Variants in RPTN observed in about 807,000 individuals in gnomAD.
The protein encoded by RPTN is intermediate filament-associated protein.
Under a neutral mutation model 3.6 loss-of-function variants are expected in RPTN, and 4 were observed. That is an observed-to-expected ratio of 1.12 (90% confidence interval 0.55 to 2.55). RPTN has a LOEUF of 2.55. Among genes scored for constraint, RPTN ranks in the 30% most tolerant of loss-of-function variants. The pLI is 0.02. For missense variants in RPTN, 860 were observed against 916.7 expected, an observed-to-expected ratio of 0.94 and a Z score of 0.80; for synonymous variants, 293 against 319.3, an observed-to-expected ratio of 0.92 and a Z score of 0.88.
rs1292825206 is a variant in RPTN, at chr1:152,155,263, T to C, written c.1836A>G (p.Gln612=). The C allele has an allele frequency of 1.9e-6, 3 of 1,614,126 alleles. No homozygotes were observed. Among genetic ancestry groups the C allele is most frequent in the African/African-American group, 1.3e-5 (1 of 74,938 alleles). ...EGTRKASYVE[Q]SGRSGRLSQQ... ...GACTTAGCCTCCCTGATCTTCCTGA[T>C]TGTTCAACATAAGAGGCTTTTCTTG... Residue 612 remains glutamine, a synonymous_variant, in exon 3 of 3, where the codon CAA becomes CAG. Transcript: ENST00000316073.
rs1474585597 is a variant in RPTN at position 152,154,959 on chromosome 1, A to C, written c.2140T>G (p.Trp714Gly). 1 of 1,613,864 alleles carries C rather than the reference A, an allele frequency of 6.2e-7. No individual in the cohort carries two copies. Among genetic ancestry groups the C allele is most frequent in the Admixed American group, 1.7e-5 (1 of 60,000 alleles). The change falls in exon 3 of 3, where the codon TGG becomes GGG. Residue 714 changes from tryptophan (W) to glycine (G), a missense_variant. Trp to Gly is a radical substitution (Grantham distance 184). Coordinates refer to ENST00000316073, the MANE Select transcript of RPTN (RefSeq NM_001122965.1). Reference protein sequence around the residue: ...WAEEEQGHQTWDRHSHESQEG... With the variant: ...WAEEEQGHQTGDRHSHESQEG... ...TGACTCTCATGGCTGTGTCTATCCC[A>C]AGTTTGATGGCCCTGCTCTTCCTCT...
Position 152,153,960 on chromosome 1 carries a change from GT to G in RPTN, c.*783del, listed in dbSNP as rs1659140277. ...GACTATGAGGCTTGAAATTCCTGAT[GT>G]TTTATCCACAGGAGCCAAAGCTCAC... On this transcript the variant is annotated 3_prime_UTR_variant, in exon 3 of 3. Transcript: ENST00000316073. 2 of 152,368 alleles carry G rather than the reference GT, an allele frequency of 1.3e-5. No homozygotes were observed. Among genetic ancestry groups the G allele is most frequent in the African/African-American group, 4.8e-5 (2 of 41,424 alleles). The allele number at this position is 152,368 out of a possible 1,614,324, so 9.4% of individuals were successfully genotyped here.
Position 152,156,534 on chromosome 1 carries a change from C to T in RPTN, c.565G>A (p.Asp189Asn), listed in dbSNP as rs762510704. ...GACTGATCAAAGCTGAAATCCTTGT[C>T]TTGTCTCTCAGACTGATTGTGGTGA... ...DSHHNQSERQ[D>N]KDFSFDQSER... The change falls in exon 3 of 3, where the codon GAC becomes AAC. Residue 189 changes from aspartate to asparagine, a missense_variant. By Grantham distance (23) the Asp-to-Asn change is conservative (BLOSUM62 1). Transcript: ENST00000316073. 12 of 1,614,072 alleles carry T rather than the reference C, an allele frequency of 7.4e-6. No individual in the cohort carries two copies. Among genetic ancestry groups the T allele is most frequent in the Non-Finnish European group, 1.0e-5 (12 of 1,180,042 alleles).
rs1444405708 is a variant in RPTN, at chr1:152,156,922, G to T, written c.177C>A (p.Asn59Lys). The T allele has an allele frequency of 6.2e-7, 1 of 1,614,066 alleles. No homozygotes were observed. The highest frequency in any genetic ancestry group is 8.5e-7 in the Non-Finnish European group (1 of 1,179,986). ...GTCCATCTCGGTCTTGATCTAAGAG[G>T]TTCAAGATGGTTTCCACAGTCTCTG... The part of the protein sequence containing the change: ...NDPETVETIL[N>K]LLDQDRDGHI... Residue 59 changes from asparagine to lysine, a missense_variant, in exon 3 of 3, where the codon AAC (asparagine) becomes AAA (lysine). Asn to Lys is a moderately conservative substitution (Grantham distance 94). Transcript: ENST00000316073.
In RPTN at chr1:152,155,645, G is replaced by A. The variant is rs72696940; in HGVS notation, c.1454C>T (p.Ser485Phe). 0.13 allele frequency: 205,687 copies of A among 1,609,570 alleles called. 14,987 individuals carry two copies. The highest frequency in any genetic ancestry group is 0.15 in the Non-Finnish European group (171,949 of 1,178,236). ...TTGTCTGTCTATCTTACCATAGTGG[G>A]AACTCTGGCCTTGTTTGTCTGGCTG... ...YSQPDKQGQS[S>F]HYGKIDRQDQ... is the part of the protein sequence containing the mutation. Residue 485 changes from serine (S) to phenylalanine (F), a missense_variant, in exon 3 of 3, where the codon TCC (serine) becomes TTC (phenylalanine). Coordinates refer to ENST00000316073, the MANE Select transcript of RPTN (RefSeq NM_001122965.1).
rs1456777616 is a variant in RPTN at position 152,156,687 on chromosome 1, C to T, written c.412G>A (p.Glu138Lys). ...ERQNSHHSQPERQDGDSHHGQ... is the reference protein window; with the variant it reads ...ERQNSHHSQPKRQDGDSHHGQ... ...TGGTGGGAATCTCCGTCTTGTCTCT[C>T]AGGCTGACTGTGGTGGGAGTTCTGC... is the stretch of plus-strand genomic sequence containing the variant. The change falls in exon 3 of 3, where the codon GAG becomes AAG. Residue 138 changes from glutamate (E) to lysine (K), a missense_variant. Transcript: ENST00000316073. 1.2e-6 allele frequency: 2 copies of T among 1,613,828 alleles called. No homozygotes were observed. The highest frequency in any genetic ancestry group is 8.5e-7 in the Non-Finnish European group (1 of 1,179,880).
rs528660126 is a variant in RPTN, at chr1:152,159,161, A to G, written c.-21+23T>C. 1.3e-4 allele frequency: 20 copies of G among 152,878 alleles called. No homozygotes were observed. The East Asian group carries it at 3.5e-3, about 27-fold the overall frequency. The allele number at this position is 152,878 out of a possible 1,614,324, so 9.5% of individuals were successfully genotyped here. A position where few individuals can be genotyped will look rare whatever the true frequency, so the allele number is the denominator to read the frequency against. ...CTTGAGAGCCTTGTAGATACTACCAATGCTCCCCTATGCATGTCTTACCTG... is the reference window on the plus strand; with the variant it reads ...CTTGAGAGCCTTGTAGATACTACCAGTGCTCCCCTATGCATGTCTTACCTG... On this transcript the variant is annotated intron_variant, in intron 1 of 2. Transcript: ENST00000316073.
chr1:152,154,492 G>T lies in RPTN; in HGVS notation c.*252C>A. 1 of 586,050 alleles carries T rather than the reference G, an allele frequency of 1.7e-6. No homozygotes were observed. 36.3% of individuals were successfully genotyped at this position (586,050 alleles called of 1,614,324 possible). ...TGGGAACAGTAGCTCCCTTGGCAGG[G>T]TGACCACGCTGTTCTCTGGTTTGGG... On this transcript the variant is annotated 3_prime_UTR_variant, in exon 3 of 3. Coordinates refer to ENST00000316073, the MANE Select transcript of RPTN (RefSeq NM_001122965.1).
At chr1:152,158,889 C>T (rs1274141763) in intron 1 of RPTN, among the ~76,000 whole-genome samples, 2 of 152,168 alleles carry the variant, frequency 1.3e-5, no homozygotes, top group Non-Finnish European at 2.9e-5. Flanking sequence ...TCTTTCCTAA[C>T]TTGCACAAAA....
rs554078916 is a variant in RPTN, at chr1:152,154,797, G to T, written c.2302C>A (p.Arg768Ser). 2 of 1,613,670 alleles carry T rather than the reference G, an allele frequency of 1.2e-6. No individual in the cohort carries two copies. The highest frequency in any genetic ancestry group is 1.7e-6 in the Non-Finnish European group (2 of 1,179,930). ...DRQTHEDKQN[R>S]QRRDRQTHED... ...TGGGTTTGCCTGTCTCGTCTCTGAC[G>T]GTTCTGCTTGTCTTCATGGGTTTGC... The change falls in exon 3 of 3, where the codon CGT (arginine) becomes AGT (serine). Residue 768 changes from arginine (R) to serine (S), a missense_variant. Transcript: ENST00000316073.
At position 152,154,278 on chromosome 1, in the gene RPTN, C is replaced by G. The variant is rs1659146015; in HGVS notation, c.*466G>C. ...AAGCCCTTACGTGAATGCTAGTACT[C>G]AAAAACATCCTTGCAGGGAGATACA... On this transcript the variant is annotated 3_prime_UTR_variant, in exon 3 of 3. Coordinates refer to ENST00000316073, the MANE Select transcript of RPTN (RefSeq NM_001122965.1). The G allele has an allele frequency of 6.1e-6, 1 of 165,066 alleles. No homozygotes were observed. Among genetic ancestry groups the G allele is most frequent in the Admixed American group, 5.7e-5 (1 of 17,488 alleles). The allele number at this position is 165,066 out of a possible 1,614,324, so 10.2% of individuals were successfully genotyped here. A position where few individuals can be genotyped will look rare whatever the true frequency, so the allele number is the denominator to read the frequency against.
rs1167555229 is a variant in RPTN, at chr1:152,155,840, C to T, written c.1259G>A (p.Arg420Gln). 1.3e-5 allele frequency: 21 copies of T among 1,609,194 alleles called. No individual in the cohort carries two copies. The highest frequency in any genetic ancestry group is 4.0e-5 in the African/African-American group (3 of 74,416). Reference sequence around the variant, plus strand: ...ACCGTAGTGAGAACCCTGGCCTTGTCGGTCCATCTGACTGTAGTGGGAACT... The same window carrying T: ...ACCGTAGTGAGAACCCTGGCCTTGTTGGTCCATCTGACTGTAGTGGGAACT... ...GQSSHYSQMD[R>Q]QGQGSHYGQT... The change falls in exon 3 of 3, where the codon CGA becomes CAA. Residue 420 changes from arginine (R) to glutamine (Q), a missense_variant. Physicochemically the swap from Arg to Gln is conservative, Grantham distance 43 (BLOSUM62 1). Transcript: ENST00000316073.
intron 2 of RPTN, 47 bp downstream of exon 2, chr1:152,157,705 A>C (rs1284549294): frequency 1.2e-6 from 2 of 1,603,338 alleles, no homozygotes; most frequent in African/African-American, 2.7e-5. Flanking sequence ...CAGGTGTCAG[A>C]GTCATTCACA....
chr1:152,156,186 A>G lies in RPTN; in HGVS notation c.913T>C (p.Tyr305His), dbSNP rs771595902. The G allele has an allele frequency of 1.9e-6, 3 of 1,613,898 alleles. No individual in the cohort carries two copies. Among genetic ancestry groups the G allele is most frequent in the Non-Finnish European group, 2.5e-6 (3 of 1,179,932 alleles). ...YGQTDRQDQS[Y>H]HYGQTDRQGQ... ...TGTCTGTCTGTCTGACCATAATGAT[A>G]ACTCTGGTCTTGTCTGTCCGTCTGA... Residue 305 changes from tyrosine (Y) to histidine (H), a missense_variant, in exon 3 of 3, where the codon TAT becomes CAT. Transcript: ENST00000316073.
In RPTN at chr1:152,156,282, G is replaced by A. The variant is rs1659203457; in HGVS notation, c.817C>T (p.Gln273Ter). The A allele has an allele frequency of 3.1e-6, 5 of 1,614,134 alleles. No individual in the cohort carries two copies. The South Asian group carries it at 3.3e-5, about 11-fold the overall frequency. ...NQQKSGSYCG[Q>*]SERLGQELGC... Reference sequence around the variant, plus strand: ...AATTCCTGACCTAGCCTCTCAGACTGTCCACAATAAGAGCCTGATTTCTGT... The same window carrying A: ...AATTCCTGACCTAGCCTCTCAGACTATCCACAATAAGAGCCTGATTTCTGT... Residue 273 changes from glutamine (Q) to a stop codon, truncating the protein, a stop_gained, in exon 3 of 3, where the codon CAG becomes TAG. Coordinates refer to ENST00000316073, the MANE Select transcript of RPTN (RefSeq NM_001122965.1). LOFTEE classifies it low-confidence loss of function (END_TRUNC).
Position 152,154,708 on chromosome 1 carries a change from CT to C in RPTN, c.*35del. On this transcript the variant is annotated 3_prime_UTR_variant, in exon 3 of 3. Coordinates refer to ENST00000316073, the MANE Select transcript of RPTN (RefSeq NM_001122965.1). ...CATAGTTTTGTCTATTATGTTGTTG[CT>C]GATGGTTTTGATCCTCTTCATGAGT... 1 of 1,607,268 alleles carries C rather than the reference CT, an allele frequency of 6.2e-7. No homozygotes were observed. The highest frequency in any genetic ancestry group is 8.5e-7 in the Non-Finnish European group (1 of 1,176,164).
chr1:152,157,994 C>G (rs1659240977), intron 1 of RPTN, 85 bp from the exon 2 acceptor site: 14 of 1,174,902 alleles, frequency 1.2e-5, no homozygotes, highest in Non-Finnish European at 1.7e-5. Context: ...CCCTCTGGAT[C>G]TGGGAGAAAG....
chr1:152,158,260 G>A (rs1335444160), intron 1 of RPTN, among the ~76,000 whole-genome samples: 2 of 152,158 alleles, frequency 1.3e-5, no homozygotes, highest in Non-Finnish European at 2.9e-5. Flanking sequence ...CCCAATAGAG[G>A]CAGGAATAGA....
Position 152,156,501 on chromosome 1 carries a change from GTC to G in RPTN, c.596_597del (p.Arg199ThrfsTer9), listed in dbSNP as rs758858615. On this transcript the variant is annotated frameshift_variant, in exon 3 of 3. Coordinates refer to ENST00000316073, the MANE Select transcript of RPTN (RefSeq NM_001122965.1). LOFTEE classifies it low-confidence loss of function (END_TRUNC). Reference protein sequence around the residue: ...DKDFSFDQSERQSQDSSSGKK... With the variant: ...DKDFSFDQSEXQSQDSSSGKK... ...TTACCAGAGCTGGAGTCTTGACTTT[GTC>G]TCTCTGACTGATCAAAGCTGAAATC... 4.6e-5 allele frequency: 74 copies of G among 1,614,222 alleles called. No homozygotes were observed. In the Admixed American group the frequency reaches 1.2e-3, roughly 25 times the overall value.
Sources: gnomAD v4.1 joint callset for allele counts (sites outside exome capture counted in the v4.1 genomes callset) on GRCh38, gnomAD v4.1.1 for gene constraint, MANE v1.5 for transcripts, NCBI Gene and HGNC (gene_info 2026-07-23, HGNC 2026-07-21) for gene names.